Variants in FIRRM observed in about 807,000 individuals in gnomAD.
The protein encoded by FIRRM is FIGNL1 interacting regulator of recombination and mitosis, also known as FIGNL1-interacting regulator of recombination and mitosis.
At chr1:169,825,217 A>G in the FIRRM span, among the ~76,000 whole-genome samples, 1 of 152,212 alleles carries the variant, frequency 6.6e-6, no homozygotes, top group Non-Finnish European at 1.5e-5. Context: ...GTTCTCCACA[A>G]AGTAGCCAAA....
At chr1:169,850,996 TTTTTTTTTTTA>T in the FIRRM span, 2 of 55,470 alleles carry the variant, frequency 3.6e-5, no homozygotes, top group East Asian at 3.9e-4. Flanking sequence ...TTTTTTTTTT[TTTTTTTTTTTA>T]TTTGGGCAGC....
At chr1:169,795,733 T>G in the FIRRM span, 1 of 985,410 alleles carries the variant, frequency 1.0e-6, no homozygotes, top group Non-Finnish European at 1.2e-6. Context: ...TTAAAAGATG[T>G]TCAGTAAATA....
the FIRRM span, chr1:169,826,098 GT>G: frequency 3.0e-6 from 1 of 334,922 alleles, no homozygotes; most frequent in South Asian, 2.6e-5. Context: ...TTGAGATGGA[GT>G]TTCGCTCTTG....
the FIRRM span, among the ~76,000 whole-genome samples, chr1:169,848,629 A>G: frequency 6.6e-6 from 1 of 152,228 alleles, no homozygotes; most frequent in Non-Finnish European, 1.5e-5. Context: ...ATTTCATGAG[A>G]TAAGCATAGA....
At chr1:169,840,200 A>G in the FIRRM span, among the ~76,000 whole-genome samples, 1 of 152,170 alleles carries the variant, frequency 6.6e-6, no homozygotes, top group African/African-American at 2.4e-5. Flanking sequence ...TACTTTGGCT[A>G]TTCAGGCTCT....
chr1:169,815,294 T>C, the FIRRM span, among the ~76,000 whole-genome samples: 2 of 140,484 alleles, frequency 1.4e-5, no homozygotes, highest in Non-Finnish European at 1.6e-5. Flanking sequence ...AGACTCTGTC[T>C]CAAAAAAAAA....
chr1:169,808,415 T>C, the FIRRM span, among the ~76,000 whole-genome samples: 2 of 152,138 alleles, frequency 1.3e-5, no homozygotes, highest in Admixed American at 1.3e-4. Flanking sequence ...GAGTGTTGAA[T>C]TGGTATCCCA....
the FIRRM span, among the ~76,000 whole-genome samples, chr1:169,812,436 C>G: frequency 2.0e-5 from 3 of 152,112 alleles, no homozygotes; most frequent in East Asian, 5.8e-4. Context: ...AGATAGGTAC[C>G]CAGTGATGAA....
At chr1:169,829,077 A>AT in the FIRRM span, among the ~76,000 whole-genome samples, 1 of 152,328 alleles carries the variant, frequency 6.6e-6, no homozygotes, top group African/African-American at 2.4e-5. Context: ...CCTTTAAGGA[A>AT]TTTCTTTGAC....
chr1:169,804,978 C>T, the FIRRM span, among the ~76,000 whole-genome samples: 2 of 152,190 alleles, frequency 1.3e-5, no homozygotes, highest in African/African-American at 4.8e-5. Flanking sequence ...CCACCGTGCC[C>T]AGCCAATACT....
At chr1:169,853,667 T>TA in the FIRRM span, 20 of 1,598,850 alleles carry the variant, frequency 1.3e-5, no homozygotes, top group Middle Eastern at 1.7e-4. Flanking sequence ...TGATTTTTTT[T>TA]AAAAAAAGGG....
chr1:169,793,268 C>T, the FIRRM span: 23 of 1,613,992 alleles, frequency 1.4e-5, no homozygotes, highest in Non-Finnish European at 1.9e-5. Flanking sequence ...TATGTTTTCT[C>T]CAGGGAAGTT....
chr1:169,803,695 A>C, the FIRRM span, among the ~76,000 whole-genome samples: 1 of 152,324 alleles, frequency 6.6e-6, no homozygotes, highest in African/African-American at 2.4e-5. Context: ...CCATCTCTAC[A>C]TGCCAGAGGT....
chr1:169,819,097 A>G, the FIRRM span, among the ~76,000 whole-genome samples: 4 of 152,236 alleles, frequency 2.6e-5, no homozygotes, highest in South Asian at 8.3e-4. Context: ...GTTGGAACGC[A>G]AAATAGATCC....
the FIRRM span, among the ~76,000 whole-genome samples, chr1:169,848,893 A>G: frequency 6.6e-6 from 1 of 152,246 alleles, no homozygotes; most frequent in Non-Finnish European, 1.5e-5. Flanking sequence ...GGAGGCATTT[A>G]AAGCCATGAA....
At chr1:169,852,161 A>AC in the FIRRM span, 1 of 595,444 alleles carries the variant, frequency 1.7e-6, no homozygotes. Flanking sequence ...ATTGGTAGTA[A>AC]CCTTTAAGGG....
the FIRRM span, chr1:169,795,930 A>AT: frequency 1.0e-6 from 1 of 985,320 alleles, no homozygotes; most frequent in African/African-American, 1.7e-5. Flanking sequence ...CACATTCTTG[A>AT]TTGGTCTCAT....
At chr1:169,835,571 G>A in the FIRRM span, among the ~76,000 whole-genome samples, 2 of 151,972 alleles carry the variant, frequency 1.3e-5, no homozygotes, top group Non-Finnish European at 2.9e-5. Context: ...TCTGTGTATT[G>A]TCCCCTTTTA....
At chr1:169,809,572 G>A in the FIRRM span, among the ~76,000 whole-genome samples, 1 of 152,194 alleles carries the variant, frequency 6.6e-6, no homozygotes, top group Non-Finnish European at 1.5e-5. Context: ...GAGAGAGTAT[G>A]GGGGCTGCTT....
Sources: gnomAD v4.1 joint callset for allele counts (sites outside exome capture counted in the v4.1 genomes callset) on GRCh38, gnomAD v4.1.1 for gene constraint, MANE v1.5 for transcripts, NCBI Gene and HGNC (gene_info 2026-07-23, HGNC 2026-07-21) for gene names.